The following LRP2BP variants were observed in gnomAD, a reference collection of about 807,000 sequenced individuals.
LRP2BP encodes the protein LRP2 binding protein.
In LRP2BP, 38 loss-of-function variants were observed where a neutral mutation model predicts 45.2. That is an observed-to-expected ratio of 0.84 (90% confidence interval 0.65 to 1.10). The LOEUF (loss-of-function observed/expected upper bound fraction) is 1.10. Among genes scored for constraint, LRP2BP ranks in the 50% least tolerant of loss-of-function variants. The pLI is 0.00. For synonymous variants in LRP2BP, 153 were observed against 153.9 expected, an observed-to-expected ratio of 0.99 and a Z score of 0.04; for missense variants, 385 against 418.9, an observed-to-expected ratio of 0.92 and a Z score of 0.71.
At chr4:185,383,401 G>T (rs1263810343) in intron 1 of LRP2BP, among the ~76,000 whole-genome samples, 2 of 152,176 alleles carry the variant, frequency 1.3e-5, no homozygotes, top group African/African-American at 2.4e-5. Context: ...GATCCCTTGA[G>T]CCCTGGAGTT....
chr4:185,368,619 C>G (rs967382214), intron 8 of LRP2BP, among the ~76,000 whole-genome samples: 1 of 152,178 alleles, frequency 6.6e-6, no homozygotes, highest in Admixed American at 6.5e-5. Flanking sequence ...CACTGGTTTA[C>G]TGCCTCTAAA....
Position 185,382,411 on chromosome 4 carries a change from A to G in LRP2BP, c.-21-4204T>C, listed in dbSNP as rs536127021. 3.9e-5 allele frequency among the ~76,000 whole-genome samples: 6 copies of G among 152,246 alleles called. No homozygotes were observed. In the East Asian group the frequency reaches 1.2e-3, roughly 29 times the overall value. On this transcript the variant is annotated intron_variant, in intron 1 of 8. Coordinates refer to ENST00000505916, the MANE Select transcript of LRP2BP (RefSeq NM_001377440.1). ...AGTGGAATTGCTGGGTCATATGGTA[A>G]TTCTATGTTTGACATTTTGGGAAAT...
chr4:185,383,796 A>G (rs1355939912), intron 1 of LRP2BP, among the ~76,000 whole-genome samples: 1 of 152,194 alleles, frequency 6.6e-6, no homozygotes, highest in African/African-American at 2.4e-5. Context: ...CAACAAAAAC[A>G]TCCCTCCGGG....
chr4:185,382,704 T>C (rs1264416554), intron 1 of LRP2BP, among the ~76,000 whole-genome samples: 2 of 152,286 alleles, frequency 1.3e-5, no homozygotes, highest in Non-Finnish European at 2.9e-5. Flanking sequence ...TGGGTTATAA[T>C]AGTTCTTTAT....
At position 185,366,239 on chromosome 4, in the gene LRP2BP, C is replaced by A. The variant is rs377109194; in HGVS notation, c.*941G>T. 1 of 152,150 alleles carries A rather than the reference C, an allele frequency of 6.6e-6. No individual in the cohort carries two copies. Among genetic ancestry groups the A allele is most frequent in the South Asian group, 2.1e-4 (1 of 4,824 alleles). 9.4% of individuals were successfully genotyped at this position (152,150 alleles called of 1,614,324 possible). A position where few individuals can be genotyped will look rare whatever the true frequency, so the allele number is the denominator to read the frequency against. On this transcript the variant is annotated 3_prime_UTR_variant, in exon 9 of 9. Transcript: ENST00000505916. ...ATAGATGTCATCTATATACGGAAAG[C>A]CTTTTGCTAATTTTAACAATATTTA...
At chr4:185,389,173 C>A (rs2095481161) in intron 1 of LRP2BP, among the ~76,000 whole-genome samples, 1 of 151,896 alleles carries the variant, frequency 6.6e-6, no homozygotes, top group Non-Finnish European at 1.5e-5. Context: ...GCCACTACAC[C>A]TGGCCTTTTT....
rs1223125472 is a variant in LRP2BP at position 185,395,039 on chromosome 4, AG to A, written c.-283del. 2.0e-6 allele frequency: 2 copies of A among 985,294 alleles called. No individual in the cohort carries two copies. Among genetic ancestry groups the A allele is most frequent in the Admixed American group, 6.2e-5 (1 of 16,260 alleles). 61.0% of individuals were successfully genotyped at this position (985,294 alleles called of 1,614,324 possible). A position where few individuals can be genotyped will look rare whatever the true frequency, so the allele number is the denominator to read the frequency against. On this transcript the variant is annotated 5_prime_UTR_variant, in exon 1 of 9. The change creates a premature stop within an existing upstream ORF in the 5' untranslated region. Transcript: ENST00000505916. Reference sequence around the variant, plus strand: ...GCATTATAAGCTTTGTTCAGTTTATAGTTTCTAGGCCCATTACTAAAGTCAA... The same window carrying A: ...GCATTATAAGCTTTGTTCAGTTTATATTTCTAGGCCCATTACTAAAGTCAA...
rs542061431 is a variant in LRP2BP, at chr4:185,366,510, T to G, written c.*670A>C. On this transcript the variant is annotated 3_prime_UTR_variant, in exon 9 of 9. Transcript: ENST00000505916. ...AGCAATGTCTTATAACCCACTTTTT[T>G]GAAGTTTATATGTAATAAGCCAATT... 62 of 152,338 alleles carry G rather than the reference T, an allele frequency of 4.1e-4. No homozygotes were observed. The highest frequency in any genetic ancestry group is 1.4e-3 in the African/African-American group (60 of 41,582). The allele number at this position is 152,338 out of a possible 1,614,324, so 9.4% of individuals were successfully genotyped here. A position where few individuals can be genotyped will look rare whatever the true frequency, so the allele number is the denominator to read the frequency against.
At chr4:185,385,916 G>GT (rs758927819) in intron 1 of LRP2BP, among the ~76,000 whole-genome samples, 6 of 138,114 alleles carry the variant, frequency 4.3e-5, no homozygotes, top group African/African-American at 1.1e-4. Context: ...GGGGGGGGGG[G>GT]AGATAAAGAA....
intron 1 of LRP2BP, chr4:185,391,020 T>G (rs539453861): frequency 6.6e-6 from 1 of 152,340 alleles, no homozygotes; most frequent in Non-Finnish European, 1.5e-5. Context: ...CCCATCCAAG[T>G]GAACACACTA....
rs1214971919 is a variant in LRP2BP at position 185,395,195 on chromosome 4, T to C, written c.-438A>G. 1.0e-6 allele frequency: 1 copy of C among 985,376 alleles called. No homozygotes were observed. Among genetic ancestry groups the C allele is most frequent in the Non-Finnish European group, 1.2e-6 (1 of 829,864 alleles). The allele number at this position is 985,376 out of a possible 1,614,324, so 61.0% of individuals were successfully genotyped here. A position where few individuals can be genotyped will look rare whatever the true frequency, so the allele number is the denominator to read the frequency against. ...TTCCTTTCCTTATGAAATTTACGTA[T>C]GTAACAGGAAGTTAAAAAATAACTA... is the stretch of plus-strand genomic sequence containing the variant. On this transcript the variant is annotated 5_prime_UTR_variant, in exon 1 of 9. Coordinates refer to ENST00000505916, the MANE Select transcript of LRP2BP (RefSeq NM_001377440.1).
At chr4:185,396,897 ACT>A (rs2095504879), upstream of LRP2BP, 3 of 1,612,358 alleles carry the variant, frequency 1.9e-6, no homozygotes, top group South Asian at 1.1e-5. Flanking sequence ...ACTTCCAAGG[ACT>A]CTTGTCATCT....
chr4:185,387,792 G>A (rs534633945), intron 1 of LRP2BP, among the ~76,000 whole-genome samples: 4 of 152,292 alleles, frequency 2.6e-5, no homozygotes, highest in South Asian at 2.1e-4. Flanking sequence ...GGTGGGCAGC[G>A]TCTTCACACC....
rs2095499095 is a variant in LRP2BP at position 185,395,371 on chromosome 4, G to C, written c.-614C>G. ...CGTGTCTGATACCCTTTATTAGTTA[G>C]GAATTCCTGAAAATGAACTTCTGTG... On this transcript the variant is annotated 5_prime_UTR_variant, in exon 1 of 9. Transcript: ENST00000505916. 1 of 985,240 alleles carries C rather than the reference G, an allele frequency of 1.0e-6. No homozygotes were observed. Among genetic ancestry groups the C allele is most frequent in the Admixed American group, 6.1e-5 (1 of 16,264 alleles). The allele number at this position is 985,240 out of a possible 1,614,324, so 61.0% of individuals were successfully genotyped here.
At chr4:185,373,238 T>C (rs577540392) in intron 6 of LRP2BP, among the ~76,000 whole-genome samples, 159 bp from the exon 7 acceptor site, 1 of 152,314 alleles carries the variant, frequency 6.6e-6, no homozygotes, top group East Asian at 1.9e-4. Flanking sequence ...CTAGCACACA[T>C]GCCTAACACA....
At chr4:185,385,218 G>T (rs1443724118) in intron 1 of LRP2BP, among the ~76,000 whole-genome samples, 2 of 152,136 alleles carry the variant, frequency 1.3e-5, no homozygotes, top group Non-Finnish European at 2.9e-5. Flanking sequence ...TATTTGTTCT[G>T]TTCCCAATGG....
intron 2 of LRP2BP, 47 bp from the exon 3 acceptor site, chr4:185,377,065 T>A: frequency 1.6e-6 from 2 of 1,248,940 alleles, no homozygotes; most frequent in Non-Finnish European, 2.4e-6. Context: ...CAATATGAAT[T>A]TTCTCTCTTG....
intron 1 of LRP2BP, among the ~76,000 whole-genome samples, chr4:185,380,758 A>G (rs1281016165): frequency 1.3e-5 from 2 of 151,980 alleles, no homozygotes; most frequent in African/African-American, 4.8e-5. Flanking sequence ...GCCCCAATCT[A>G]TTTCATTTTT....
chr4:185,388,187 C>A (rs778511909), intron 1 of LRP2BP, among the ~76,000 whole-genome samples: 29 of 152,150 alleles, frequency 1.9e-4, no homozygotes, highest in African/African-American at 4.8e-5. Context: ...GAGGTGGCTT[C>A]TCACATCCCA....
Sources: gnomAD v4.1 joint callset for allele counts (sites outside exome capture counted in the v4.1 genomes callset) on GRCh38, gnomAD v4.1.1 for gene constraint, MANE v1.5 for transcripts, NCBI Gene and HGNC (gene_info 2026-07-23, HGNC 2026-07-21) for gene names.